PDE10A: variants seen among roughly 807,000 people sequenced by gnomAD.
The protein encoded by PDE10A is cAMP and cAMP-inhibited cGMP 3',5'-cyclic phosphodiesterase 10A.
In PDE10A, 39 loss-of-function variants were observed where a neutral mutation model predicts 97.7. The observed-to-expected ratio is 0.40, with a 90% CI of 0.31 to 0.52. The LOEUF is 0.52. PDE10A is among the 20% of genes least tolerant of loss of function. PDE10A has a pLI of 0.56. For missense variants in PDE10A, 731 were observed against 1,047.8 expected, an observed-to-expected ratio of 0.70 and a Z score of 4.17; for synonymous variants, 371 against 376.8, an observed-to-expected ratio of 0.98 and a Z score of 0.18.
intron 1 of PDE10A, among the ~76,000 whole-genome samples, chr6:165,942,142 T>G (rs528438503): frequency 1.3e-5 from 2 of 152,276 alleles, no homozygotes; most frequent in South Asian, 4.1e-4. Flanking sequence ...TCAATAAATG[T>G]CCGTTACTGC....
chr6:165,736,351 T>C (rs1792574406), intron 1 of PDE10A, among the ~76,000 whole-genome samples: 1 of 152,156 alleles, frequency 6.6e-6, no homozygotes, highest in African/African-American at 2.4e-5. Flanking sequence ...TATGTGCTTC[T>C]GTAGAGCACA....
intron 3 of PDE10A, among the ~76,000 whole-genome samples, chr6:165,469,206 G>A (rs566806303): frequency 5.3e-5 from 8 of 152,144 alleles, no homozygotes; most frequent in Admixed American, 1.3e-4. Context: ...AACGGTTCGC[G>A]TCTGTAATCT....
chr6:165,350,740 A>G (rs374860489), intron 18 of PDE10A, among the ~76,000 whole-genome samples: 3 of 152,124 alleles, frequency 2.0e-5, no homozygotes, highest in East Asian at 1.9e-4. Context: ...AGTTTCCCCA[A>G]TCCTCTTCTC....
chr6:165,626,855 G>A (rs1374250723), intron 1 of PDE10A, among the ~76,000 whole-genome samples: 1 of 152,200 alleles, frequency 6.6e-6, no homozygotes, highest in Non-Finnish European at 1.5e-5. Flanking sequence ...GAGCATCAGG[G>A]ACGGGCTCAG....
chr6:165,817,502 T>C (rs1036598961), intron 1 of PDE10A, among the ~76,000 whole-genome samples: 3 of 152,030 alleles, frequency 2.0e-5, no homozygotes, highest in Non-Finnish European at 4.4e-5. Context: ...AAGGTTGGGT[T>C]GGGTGGTTAA....
intron 5 of PDE10A, 78 bp downstream of exon 5, chr6:165,448,850 C>T (rs772731114): frequency 2.7e-5 from 23 of 841,920 alleles, no homozygotes; most frequent in Middle Eastern, 4.9e-4. Context: ...CATGAAATGT[C>T]GGTTGTTTAT....
At chr6:165,606,090 G>A (rs1357320097) in intron 1 of PDE10A, among the ~76,000 whole-genome samples, 1 of 149,518 alleles carries the variant, frequency 6.7e-6, no homozygotes, top group African/African-American at 2.5e-5. Flanking sequence ...GAGCTGGGGA[G>A]AGCGCAGTCA....
chr6:165,798,294 G>C (rs928749767), intron 1 of PDE10A, among the ~76,000 whole-genome samples: 2 of 152,144 alleles, frequency 1.3e-5, no homozygotes, highest in African/African-American at 2.4e-5. Context: ...GGGCCCTTCT[G>C]AGAGAAAATT....
intron 1 of PDE10A, among the ~76,000 whole-genome samples, chr6:165,791,921 G>A (rs1000875215): frequency 3.3e-5 from 5 of 152,186 alleles, no homozygotes; most frequent in Non-Finnish European, 5.9e-5. Flanking sequence ...CTTGGGGTCC[G>A]AAGTCAGCTC....
chr6:165,836,138 G>T (rs557407555), intron 1 of PDE10A, among the ~76,000 whole-genome samples: 6 of 152,280 alleles, frequency 3.9e-5, no homozygotes, highest in African/African-American at 1.2e-4. Context: ...GCGAGCCATG[G>T]GTGCTCTGTG....
intron 1 of PDE10A, among the ~76,000 whole-genome samples, chr6:165,821,496 T>C (rs1243683545): frequency 1.3e-5 from 2 of 152,038 alleles, no homozygotes; most frequent in African/African-American, 4.8e-5. Context: ...ATGATGCTCC[T>C]CTGTTCAACT....
At chr6:165,806,043 A>T (rs927775494) in intron 1 of PDE10A, among the ~76,000 whole-genome samples, 7 of 12,990 alleles carry the variant, frequency 5.4e-4, no homozygotes, top group East Asian at 1.8e-3. Flanking sequence ...CTTGATTATT[A>T]AAAAAAAAAA....
intron 1 of PDE10A, among the ~76,000 whole-genome samples, chr6:165,916,962 C>G (rs1782622701): frequency 6.6e-6 from 1 of 152,132 alleles, no homozygotes; most frequent in African/African-American, 2.4e-5. Context: ...CAGCAGAATA[C>G]CCAATGAAAA....
At chr6:165,930,864 G>C (rs1417764621) in intron 1 of PDE10A, among the ~76,000 whole-genome samples, 1 of 152,234 alleles carries the variant, frequency 6.6e-6, no homozygotes, top group African/African-American at 2.4e-5. Context: ...GTGGCTCTTC[G>C]CAGGATCAGG....
At chr6:165,509,991 T>A (rs1258196823) in intron 2 of PDE10A, among the ~76,000 whole-genome samples, 1 of 152,090 alleles carries the variant, frequency 6.6e-6, no homozygotes, top group Non-Finnish European at 1.5e-5. Context: ...TTTTGGTTTT[T>A]CTAAATATAA....
chr6:165,568,208 A>C (rs564652264), intron 1 of PDE10A, among the ~76,000 whole-genome samples: 95 of 151,816 alleles, frequency 6.3e-4, no homozygotes, highest in African/African-American at 1.5e-3. Flanking sequence ...ACCATGTTAG[A>C]CACGATGGTC....
At chr6:165,971,929 G>A (rs770936462) in intron 1 of PDE10A, among the ~76,000 whole-genome samples, 16 of 152,088 alleles carry the variant, frequency 1.1e-4, no homozygotes, top group African/African-American at 3.4e-4. Context: ...TACCCATGGC[G>A]TTGACTTGGG....
At chr6:165,573,306 T>C (rs964129456) in intron 1 of PDE10A, among the ~76,000 whole-genome samples, 3 of 149,450 alleles carry the variant, frequency 2.0e-5, no homozygotes, top group East Asian at 3.9e-4. Context: ...CAGTAGAGAG[T>C]GCGTTTGGCC....
chr6:165,405,952 T>C (rs75128339), intron 13 of PDE10A, among the ~76,000 whole-genome samples: 456 of 152,240 alleles, frequency 3.0e-3, no homozygotes, highest in African/African-American at 0.01. Flanking sequence ...ACCTAGGATG[T>C]AGGGTCCATT....
Sources: gnomAD v4.1 joint callset for allele counts (sites outside exome capture counted in the v4.1 genomes callset) on GRCh38, gnomAD v4.1.1 for gene constraint, MANE v1.5 for transcripts, NCBI Gene and HGNC (gene_info 2026-07-23, HGNC 2026-07-21) for gene names.